Variants in ESRRG observed in about 807,000 individuals in gnomAD.
ESRRG encodes the protein estrogen related receptor gamma.
Under a neutral mutation model 44.0 loss-of-function variants are expected in ESRRG, and 13 were observed. That is an observed-to-expected ratio of 0.30 (90% CI 0.19 to 0.47). The LOEUF (loss-of-function observed/expected upper bound fraction) is 0.47. Ranked by LOEUF, ESRRG falls within the 20% of genes least tolerant of loss-of-function variation. The probability of loss-of-function intolerance (pLI) is 1.00; values close to 1 mark genes in which losing one functional copy is unlikely to be tolerated. For missense variants in ESRRG, 395 were observed against 580.6 expected (o/e 0.68, Z 3.29); for synonymous variants, 215 against 214.6 (o/e 1.00, Z -0.02).
intron 1 of ESRRG, among the ~76,000 whole-genome samples, chr1:216,681,405 T>A (rs1312195541): frequency 3.9e-5 from 6 of 152,118 alleles, no homozygotes; most frequent in Non-Finnish European, 4.4e-5. Context: ...TAACTCGTCA[T>A]TTACATTAGG....
At position 216,693,062 on chromosome 1, in the gene ESRRG, G is replaced by T. The variant is rs563882491; in HGVS notation, c.57-15571C>A. Among the ~76,000 whole-genome samples the T allele has an allele frequency of 2.0e-5, 3 of 152,326 alleles. No individual in the cohort carries two copies. In the East Asian group the frequency reaches 5.8e-4, roughly 29 times the overall value. On this transcript the variant is annotated intron_variant, in intron 1 of 6. Coordinates refer to ENST00000408911, the MANE Select transcript of ESRRG (RefSeq NM_001438.4). ...CCCATGCTAATCAGCTTTTCACACT[G>T]CTTTTCCTTCTCTCTGGAATTCAAC...
At chr1:216,840,502 C>T (rs1466210004) in intron 2 of ESRRG, among the ~76,000 whole-genome samples, 2 of 113,318 alleles carry the variant, frequency 1.8e-5, no homozygotes, top group Non-Finnish European at 3.6e-5. Context: ...TGGAGTAGCA[C>T]TTTTAATATT....
In ESRRG at chr1:216,507,105, G is replaced by A. The variant is rs2041380576; in HGVS notation, c.1211C>T (p.Ala404Val). The A allele has an allele frequency of 6.2e-7, 1 of 1,613,982 alleles. No individual in the cohort carries two copies. The highest frequency in any genetic ancestry group is 1.7e-5 in the Admixed American group (1 of 60,020). Residue 404 changes from alanine to valine, a missense_variant, in exon 7 of 7, where the codon GCT becomes GTT. By Grantham distance (64) the Ala-to-Val change is moderately conservative. Coordinates refer to ENST00000408911, the MANE Select transcript of ESRRG (RefSeq NM_001438.4). ...ACGAGGGTCTTCCATGTGCTGGCCA[G>A]CTTCATAATCCTGCAGCGCTTCATG... ...VLHEALQDYE[A>V]GQHMEDPRRA...
At chr1:216,699,898 G>T (rs2081049553) in intron 1 of ESRRG, among the ~76,000 whole-genome samples, 1 of 152,178 alleles carries the variant, frequency 6.6e-6, no homozygotes, top group South Asian at 2.1e-4. Flanking sequence ...CTCGCCTATG[G>T]ATTTCCTCCT....
At chr1:216,809,873 G>T (rs185229437) in intron 2 of ESRRG, among the ~76,000 whole-genome samples, 1 of 152,102 alleles carries the variant, frequency 6.6e-6, no homozygotes, top group African/African-American at 2.4e-5. Flanking sequence ...CACTTGGCTC[G>T]CCTCTACCAC....
At chr1:217,018,870 C>A (rs576735495) in intron 1 of ESRRG, among the ~76,000 whole-genome samples, 5 of 152,278 alleles carry the variant, frequency 3.3e-5, no homozygotes, top group Admixed American at 2.6e-4. Flanking sequence ...CATTATGGCA[C>A]AATTACTTGC....
chr1:216,908,224 T>G (rs2059903343), intron 2 of ESRRG, among the ~76,000 whole-genome samples: 2 of 152,200 alleles, frequency 1.3e-5, no homozygotes, highest in Admixed American at 1.3e-4. Context: ...GTCTGCCCAC[T>G]GTGTCTTGGT....
chr1:216,975,151 G>T (rs1302786696), intron 1 of ESRRG, among the ~76,000 whole-genome samples: 1 of 152,186 alleles, frequency 6.6e-6, no homozygotes, highest in African/African-American at 2.4e-5. Context: ...ACTCAGAACA[G>T]TTACCCTTAC....
At chr1:216,978,356 A>G (rs189054841) in intron 1 of ESRRG, among the ~76,000 whole-genome samples, 1 of 152,340 alleles carries the variant, frequency 6.6e-6, no homozygotes, top group Admixed American at 6.5e-5. Context: ...GGCAAGGCAG[A>G]AAATATTTAT....
intron 1 of ESRRG, among the ~76,000 whole-genome samples, chr1:217,051,598 C>T (rs1361309): frequency 0.26 from 39,088 of 152,076 alleles, 5,369 homozygotes; most frequent in African/African-American, 0.35. Flanking sequence ...ACAATCACTG[C>T]TCCATTTTCT....
chr1:216,821,181 T>G (rs1433772777), intron 2 of ESRRG, among the ~76,000 whole-genome samples: 2 of 152,154 alleles, frequency 1.3e-5, no homozygotes, highest in Non-Finnish European at 2.9e-5. Context: ...CGCTCTTACC[T>G]TACTTGCTCC....
intron 6 of ESRRG, among the ~76,000 whole-genome samples, chr1:216,516,919 C>G (rs538284148): frequency 6.6e-6 from 1 of 152,186 alleles, no homozygotes. Flanking sequence ...TTACCCCAAA[C>G]TAAAATGATG....
At chr1:216,822,933 C>T (rs1036793197) in intron 2 of ESRRG, among the ~76,000 whole-genome samples, 1 of 152,168 alleles carries the variant, frequency 6.6e-6, no homozygotes, top group Non-Finnish European at 1.5e-5. Flanking sequence ...AAAAACAATG[C>T]TCCCATCTAA....
intron 2 of ESRRG, among the ~76,000 whole-genome samples, chr1:216,776,530 C>T (rs11572632): frequency 0.012 from 1,767 of 152,130 alleles, 30 homozygotes; most frequent in Non-Finnish European, 0.015. Context: ...ATGTCTTATT[C>T]GCCATTGTGT....
chr1:216,677,161 T>C lies in ESRRG; in HGVS notation c.387A>G (p.Leu129=). 6.2e-7 allele frequency: 1 copy of C among 1,614,142 alleles called. No individual in the cohort carries two copies. The highest frequency in any genetic ancestry group is 8.5e-7 in the Non-Finnish European group (1 of 1,179,984). ...MLNSMPKRLC[L]VCGDIASGYH... The stretch of plus-strand genomic sequence containing the variant: ...ACCCAGAAGCGATGTCACCACACAC[T>C]AAACACAGTCTCTTGGGCATCGAGT... Residue 129 remains leucine, a synonymous_variant, in exon 2 of 7, where the codon TTA becomes TTG. Transcript: ENST00000408911.
At chr1:217,133,643 C>CTT (rs1558298310) in intron 1 of ESRRG, among the ~76,000 whole-genome samples, 1,013 of 52,484 alleles carry the variant, frequency 0.019, 10 homozygotes, top group East Asian at 0.046. Flanking sequence ...CTCTCTCTCT[C>CTT]TCTCTTTCTT....
chr1:217,002,244 G>A (rs1199123605), intron 1 of ESRRG, among the ~76,000 whole-genome samples: 1 of 148,048 alleles, frequency 6.8e-6, no homozygotes, highest in Non-Finnish European at 1.5e-5. Flanking sequence ...AGAGCTGGCA[G>A]TGAGCCGAGA....
intron 1 of ESRRG, among the ~76,000 whole-genome samples, chr1:217,009,702 C>CTTTTTTTTT (rs11325118): frequency 1.9e-5 from 2 of 106,384 alleles, no homozygotes; most frequent in Admixed American, 1.0e-4. Context: ...TTTTCTTTTT[C>CTTTTTTTTT]TTTTTTTTTT....
chr1:217,036,238 T>G (rs2082872820), intron 1 of ESRRG, among the ~76,000 whole-genome samples: 1 of 152,242 alleles, frequency 6.6e-6, no homozygotes, highest in East Asian at 1.9e-4. Flanking sequence ...TCAGCCATTG[T>G]GGAAGACAGT....
Sources: allele counts gnomAD v4.1 joint callset (sites outside exome capture counted in the v4.1 genomes callset), GRCh38; gene constraint gnomAD v4.1.1; transcripts MANE v1.5; gene names NCBI Gene and HGNC (gene_info 2026-07-23, HGNC 2026-07-21).